Variants in IL1RL2 observed in about 807,000 individuals in gnomAD.
IL1RL2 encodes interleukin-1 receptor-like 2.
IL1RL2 carries 68 observed loss-of-function variants against 66.8 expected under a neutral mutation model. The ratio of observed to expected loss-of-function variants is 1.02; its 90% CI spans 0.84 to 1.25. IL1RL2 has a LOEUF of 1.25. IL1RL2 is among the 50% of genes most tolerant of loss of function. The pLI is 0.00. For synonymous variants in IL1RL2, 305 were observed against 264.6 expected (o/e 1.15, Z -1.48); for missense variants, 729 against 709.3 (o/e 1.03, Z -0.32).
intron 10 of IL1RL2, 69 bp downstream of exon 10, chr2:102,233,193 T>C: frequency 6.9e-7 from 1 of 1,452,686 alleles, no homozygotes. Context: ...TCCTCCACTT[T>C]ACTAATGGCG....
chr2:102,242,722 C>T (rs769251143), downstream of IL1RL2, among the ~76,000 whole-genome samples: 9 of 152,162 alleles, frequency 5.9e-5, no homozygotes, highest in Admixed American at 2.0e-4. Context: ...CGCTAATCTC[C>T]GCTGAAACAC....
At chr2:102,236,020 G>T in intron 11 of IL1RL2, 5 of 835,286 alleles carry the variant, frequency 6.0e-6, no homozygotes, top group Non-Finnish European at 7.2e-6. Flanking sequence ...CAGCCTGTGA[G>T]AGACGCAATT....
downstream of IL1RL2, among the ~76,000 whole-genome samples, chr2:102,240,885 T>G (rs1675211993): frequency 6.6e-6 from 1 of 152,268 alleles, no homozygotes; most frequent in African/African-American, 2.4e-5. Flanking sequence ...AGCAGCTCAC[T>G]GGGTGAAGGA....
chr2:102,238,170 G>A (rs966751758), intron 11 of IL1RL2, among the ~76,000 whole-genome samples: 2 of 152,158 alleles, frequency 1.3e-5, no homozygotes, highest in Non-Finnish European at 2.9e-5. Flanking sequence ...GGCTGCGAGC[G>A]GAGATTGGAC....
intron 4 of IL1RL2, among the ~76,000 whole-genome samples, chr2:102,201,181 C>T (rs1337300128): frequency 2.0e-5 from 3 of 152,076 alleles, no homozygotes; most frequent in Non-Finnish European, 4.4e-5. Context: ...GACCCAGGCT[C>T]AGTTTTCCTC....
chr2:102,195,812 C>T (rs1016974467), intron 4 of IL1RL2, among the ~76,000 whole-genome samples: 1 of 150,836 alleles, frequency 6.6e-6, no homozygotes, highest in African/African-American at 2.4e-5. Flanking sequence ...CTCCTGGGTT[C>T]AAGCCATTCT....
rs976257610 is a variant in IL1RL2 at position 102,219,911 on chromosome 2, G to T, written c.885G>T (p.Leu295Phe). 6.2e-7 allele frequency: 1 copy of T among 1,613,156 alleles called. No homozygotes were observed. The highest frequency in any genetic ancestry group is 8.5e-7 in the Non-Finnish European group (1 of 1,179,250). The change falls in exon 8 of 12, where the codon TTG becomes TTT. Residue 295 changes from leucine to phenylalanine, a missense_variant. Leu to Phe is a conservative substitution (Grantham distance 22). Transcript: ENST00000264257. ...ATGTCTCTTTTCGGGAACATAATTTGTACACAGTAAACATCACCTTCTTGG... is the reference window on the plus strand; with the variant it reads ...ATGTCTCTTTTCGGGAACATAATTTTTACACAGTAAACATCACCTTCTTGG... ...ETHVSFREHNLYTVNITFLEV... is the reference protein window; with the variant it reads ...ETHVSFREHNFYTVNITFLEV...
chr2:102,209,315 C>A (rs181892536), intron 5 of IL1RL2, among the ~76,000 whole-genome samples: 1 of 152,226 alleles, frequency 6.6e-6, no homozygotes, highest in Non-Finnish European at 1.5e-5. Context: ...AGGGTAGAGC[C>A]ACAGACAGTG....
At chr2:102,199,259 A>G (rs757150277) in intron 4 of IL1RL2, among the ~76,000 whole-genome samples, 2 of 152,214 alleles carry the variant, frequency 1.3e-5, no homozygotes, top group Non-Finnish European at 2.9e-5. Flanking sequence ...CACAGCAACT[A>G]AAGGATCTTT....
At chr2:102,228,029 G>A (rs930991282) in intron 9 of IL1RL2, among the ~76,000 whole-genome samples, 1 of 152,232 alleles carries the variant, frequency 6.6e-6, no homozygotes, top group African/African-American at 2.4e-5. Flanking sequence ...TGCTGAGACT[G>A]GGACGCAGCC....
At chr2:102,226,179 T>A in intron 9 of IL1RL2, 138 bp downstream of exon 9, 1 of 603,364 alleles carries the variant, frequency 1.7e-6, no homozygotes, top group Non-Finnish European at 2.7e-6. Flanking sequence ...GAACTGCCTG[T>A]GCTTTAGAGA....
chr2:102,221,352 G>A (rs1029392895), intron 8 of IL1RL2, among the ~76,000 whole-genome samples: 1 of 152,016 alleles, frequency 6.6e-6, no homozygotes, highest in African/African-American at 2.4e-5. Flanking sequence ...GTGCAAACAG[G>A]TTCCATATAT....
At chr2:102,196,006 A>G (rs1265397540) in intron 4 of IL1RL2, among the ~76,000 whole-genome samples, 1 of 152,006 alleles carries the variant, frequency 6.6e-6, no homozygotes, top group African/African-American at 2.4e-5. Context: ...GAGCCAGCGC[A>G]TCGGGCCCTT....
intron 5 of IL1RL2, among the ~76,000 whole-genome samples, chr2:102,207,927 C>A (rs1688839016): frequency 6.6e-6 from 1 of 152,202 alleles, no homozygotes; most frequent in Non-Finnish European, 1.5e-5. Context: ...CTGGGATTAA[C>A]AATTCCCTCT....
rs752449321 is a variant in IL1RL2, at chr2:102,235,011, C to T, written c.1412C>T (p.Ala471Val). ...AAGAACCTGTCAGAAGAACAAATCG[C>T]GGTCTACAGTGCCCTGATCCAGGAC... is the stretch of plus-strand genomic sequence containing the variant. ...LLKNLSEEQI[A>V]VYSALIQDGM... Residue 471 changes from alanine (A) to valine (V), a missense_variant, in exon 11 of 12, where the codon GCG becomes GTG. Physicochemically the swap from Ala to Val is moderately conservative, Grantham distance 64 (BLOSUM62 0). Coordinates refer to ENST00000264257, the MANE Select transcript of IL1RL2 (RefSeq NM_003854.4). The T allele has an allele frequency of 3.4e-5, 55 of 1,614,012 alleles. No individual in the cohort carries two copies. Among genetic ancestry groups the T allele is most frequent in the South Asian group, 4.4e-5 (4 of 91,078 alleles).
downstream of IL1RL2, among the ~76,000 whole-genome samples, chr2:102,242,758 G>A (rs528650223): frequency 3.9e-4 from 60 of 152,262 alleles, no homozygotes; most frequent in African/African-American, 1.3e-3. Context: ...CATAAATAAT[G>A]TTTAATCTGG....
intron 4 of IL1RL2, among the ~76,000 whole-genome samples, chr2:102,198,662 A>T (rs980503539): frequency 6.6e-5 from 10 of 151,026 alleles, no homozygotes; most frequent in African/African-American, 2.4e-4. Context: ...TTTTATTTTT[A>T]TTTTTTTCTG....
chr2:102,189,329 A>C lies in IL1RL2; in HGVS notation c.293+19A>C. On this transcript the variant is annotated intron_variant, in intron 3 of 11. Transcript: ENST00000264257. ...TTATAAAGTAAGTTCCTAATTTAAA[A>C]TAGAACTAACTCGTGTGTGTATGTA... The C allele has an allele frequency of 6.8e-7, 1 of 1,465,028 alleles. No individual in the cohort carries two copies. The highest frequency in any genetic ancestry group is 9.4e-7 in the Non-Finnish European group (1 of 1,058,210). 90.8% of individuals were successfully genotyped at this position (1,465,028 alleles called of 1,614,324 possible). A position where few individuals can be genotyped will look rare whatever the true frequency, so the allele number is the denominator to read the frequency against.
chr2:102,214,533 G>A (rs967826210), intron 6 of IL1RL2, among the ~76,000 whole-genome samples: 5 of 152,140 alleles, frequency 3.3e-5, no homozygotes, highest in African/African-American at 1.2e-4. Context: ...TCATTTTATA[G>A]ATGGAACATA....
Sources: allele counts gnomAD v4.1 joint callset (sites outside exome capture counted in the v4.1 genomes callset), GRCh38; gene constraint gnomAD v4.1.1; transcripts MANE v1.5; gene names NCBI Gene and HGNC (gene_info 2026-07-23, HGNC 2026-07-21).